The following ACER3 variants were observed in gnomAD, a reference collection of about 807,000 sequenced individuals.
The protein encoded by ACER3 is alkaline ceramidase 3, also known as alkCDase 3.
In ACER3, 16 loss-of-function variants were observed where a neutral mutation model predicts 48.9. That is an observed-to-expected ratio of 0.33 (90% CI 0.22 to 0.50). The LOEUF (loss-of-function observed/expected upper bound fraction) is 0.50. ACER3 is among the 20% of genes least tolerant of loss of function. The pLI is 0.98. For missense variants in ACER3, 227 were observed against 326.0 expected (o/e 0.70, Z 2.34); for synonymous variants, 109 against 107.8 (o/e 1.01, Z -0.07).
rs1057346673 is a variant in ACER3, at chr11:77,021,652, C to T, written c.*1325C>T. 3 of 152,032 alleles carry T rather than the reference C, an allele frequency of 2.0e-5. No individual in the cohort carries two copies. The highest frequency in any genetic ancestry group is 2.9e-5 in the Non-Finnish European group (2 of 68,002). 9.4% of individuals were successfully genotyped at this position (152,032 alleles called of 1,614,324 possible). On this transcript the variant is annotated 3_prime_UTR_variant, in exon 11 of 11. Coordinates refer to ENST00000532485, the MANE Select transcript of ACER3 (RefSeq NM_018367.7). ...CCAGATTGTTTTTACCACATGATGACGTGACTCAGGATTAAATCCTGAGCT... is the reference window on the plus strand; with the variant it reads ...CCAGATTGTTTTTACCACATGATGATGTGACTCAGGATTAAATCCTGAGCT...
At chr11:76,985,769 C>A in intron 5 of ACER3, 45 bp downstream of exon 5, 3 of 1,162,788 alleles carry the variant, frequency 2.6e-6, no homozygotes, top group Non-Finnish European at 3.6e-6. Flanking sequence ...GTAAATTCAC[C>A]ATTTATGGAG....
At chr11:76,893,329 C>G (rs1590891080) in intron 1 of ACER3, among the ~76,000 whole-genome samples, 1 of 152,030 alleles carries the variant, frequency 6.6e-6, no homozygotes, top group Admixed American at 6.6e-5. Flanking sequence ...ATGATCACGC[C>G]ACTCTACTCC....
chr11:76,868,383 CTCTCTCTCTGTG>C lies in ACER3; in HGVS notation c.103+7306_103+7317del, dbSNP rs879113930. The stretch of plus-strand genomic sequence containing the variant: ...AAGAGTTTAGTTTTAATATCTCTCT[CTCTCTCTCTGTG>C]TGTGTGTGTGTGTGTGTGTGTGTGT... On this transcript the variant is annotated intron_variant, in intron 1 of 10. Transcript: ENST00000532485. 26 of 524,814 alleles carry C rather than the reference CTCTCTCTCTGTG, an allele frequency of 5.0e-5. No individual in the cohort carries two copies. In the East Asian group the frequency reaches 9.7e-4, roughly 20 times the overall value. The allele number at this position is 524,814 out of a possible 1,614,324, so 32.5% of individuals were successfully genotyped here. A position where few individuals can be genotyped will look rare whatever the true frequency, so the allele number is the denominator to read the frequency against.
intron 1 of ACER3, among the ~76,000 whole-genome samples, chr11:76,881,646 A>T (rs1039510124): frequency 6.6e-6 from 1 of 152,258 alleles, no homozygotes; most frequent in East Asian, 1.9e-4. Flanking sequence ...TATAGTTATT[A>T]TATGTATTAC....
chr11:76,968,479 A>C (rs768408737), intron 3 of ACER3, among the ~76,000 whole-genome samples: 4 of 152,172 alleles, frequency 2.6e-5, no homozygotes, highest in South Asian at 2.1e-4. Flanking sequence ...GAGCCCGCAT[A>C]GCCAAGTCAA....
chr11:76,975,624 A>G (rs961490237), intron 3 of ACER3, among the ~76,000 whole-genome samples: 1 of 152,098 alleles, frequency 6.6e-6, no homozygotes, highest in Non-Finnish European at 1.5e-5. Flanking sequence ...TAGATGATGG[A>G]CATCATTTTT....
intron 7 of ACER3, among the ~76,000 whole-genome samples, chr11:77,000,432 A>C: frequency 6.6e-6 from 1 of 152,130 alleles, no homozygotes; most frequent in East Asian, 1.9e-4. Flanking sequence ...ATGAGGTCAA[A>C]TTTATCAGTT....
At chr11:76,958,605 A>G (rs1947907336) in intron 2 of ACER3, among the ~76,000 whole-genome samples, 1 of 152,234 alleles carries the variant, frequency 6.6e-6, no homozygotes, top group Non-Finnish European at 1.5e-5. Flanking sequence ...AAGTTCAGGA[A>G]CAAACTGACT....
At position 76,990,135 on chromosome 11, in the gene ACER3, CAAGT is replaced by C. The variant is rs527452323; in HGVS notation, c.403-399_403-396del. On this transcript the variant is annotated intron_variant, in intron 5 of 10. Transcript: ENST00000532485. ...TAAATTACTTATCCAAGGCATGTAG[CAAGT>C]AAGTGGCAGAAGTTGAAATTTACTC... 9.8e-5 allele frequency among the ~76,000 whole-genome samples: 15 copies of C among 152,310 alleles called. No homozygotes were observed. In the South Asian group the frequency reaches 3.1e-3, roughly 32 times the overall value.
rs552001348 is a variant in ACER3 at position 77,026,756 on chromosome 11, T to C, written c.*6429T>C. On this transcript the variant is annotated 3_prime_UTR_variant, in exon 11 of 11. Coordinates refer to ENST00000532485, the MANE Select transcript of ACER3 (RefSeq NM_018367.7). ...ATATTTCTGCATTCATTACCTCTCA[T>C]AGGTGAAAATATTAAATTAAATAAT... 3.3e-5 allele frequency: 5 copies of C among 152,320 alleles called. No homozygotes were observed. The South Asian group carries it at 8.3e-4, about 25-fold the overall frequency. The allele number at this position is 152,320 out of a possible 1,614,324, so 9.4% of individuals were successfully genotyped here. A position where few individuals can be genotyped will look rare whatever the true frequency, so the allele number is the denominator to read the frequency against.
intron 1 of ACER3, among the ~76,000 whole-genome samples, chr11:76,885,050 T>C (rs1382662090): frequency 6.6e-6 from 1 of 152,244 alleles, no homozygotes; most frequent in East Asian, 1.9e-4. Flanking sequence ...ATTATAGGTG[T>C]GAGCCACAAA....
chr11:76,864,809 A>G (rs2134490453), intron 1 of ACER3, among the ~76,000 whole-genome samples: 1 of 146,238 alleles, frequency 6.8e-6, no homozygotes, highest in South Asian at 2.2e-4. Context: ...CATTTTGGCC[A>G]GGCTGGTCTC....
chr11:76,956,022 A>G (rs1229420321), intron 2 of ACER3, among the ~76,000 whole-genome samples: 2 of 152,198 alleles, frequency 1.3e-5, no homozygotes, highest in Non-Finnish European at 2.9e-5. Flanking sequence ...AAGTAGACTA[A>G]TGATTGCCCA....
Position 77,015,010 on chromosome 11 carries a change from C to G in ACER3, c.498-6C>G. 1.3e-6 allele frequency: 2 copies of G among 1,545,238 alleles called. No individual in the cohort carries two copies. Among genetic ancestry groups the G allele is most frequent in the Non-Finnish European group, 1.8e-6 (2 of 1,119,746 alleles). On this transcript the variant is annotated splice_polypyrimidine_tract_variant and splice_region_variant and intron_variant, in intron 7 of 10. Transcript: ENST00000532485. ...TTATTTTGCTTTTCTGTTTTCCCCCCCACAGGGTTTATCCATGGCTTAGAG... is the reference window on the plus strand; with the variant it reads ...TTATTTTGCTTTTCTGTTTTCCCCCGCACAGGGTTTATCCATGGCTTAGAG...
intron 10 of ACER3, among the ~76,000 whole-genome samples, 179 bp from the exon 11 acceptor site, chr11:77,020,093 ACT>A (rs1555024115): frequency 6.6e-6 from 1 of 152,160 alleles, no homozygotes; most frequent in Non-Finnish European, 1.5e-5. Context: ...CAATAAAAAT[ACT>A]CTCTGATATC....
chr11:77,026,627 C>G lies in ACER3; in HGVS notation c.*6300C>G, dbSNP rs1949552928. The G allele has an allele frequency of 6.6e-6, 1 of 152,196 alleles. No homozygotes were observed. The highest frequency in any genetic ancestry group is 1.5e-5 in the Non-Finnish European group (1 of 68,038). The allele number at this position is 152,196 out of a possible 1,614,324, so 9.4% of individuals were successfully genotyped here. The stretch of plus-strand genomic sequence containing the variant: ...GCAACTAACTATTTTCAGGTAATCT[C>G]AGTCTGCTTATTCACTTTTTCCATT... On this transcript the variant is annotated 3_prime_UTR_variant, in exon 11 of 11. Transcript: ENST00000532485.
intron 1 of ACER3, among the ~76,000 whole-genome samples, chr11:76,896,613 A>G (rs1590895516): frequency 6.6e-6 from 1 of 151,888 alleles, no homozygotes; most frequent in South Asian, 2.1e-4. Flanking sequence ...CGACCCCTCT[A>G]CCCCCTTGAA....
chr11:76,881,502 G>A (rs1316664287), intron 1 of ACER3, among the ~76,000 whole-genome samples: 1 of 151,428 alleles, frequency 6.6e-6, no homozygotes, highest in Non-Finnish European at 1.5e-5. Flanking sequence ...TTATTTAGTG[G>A]TTACTCTAGG....
At chr11:76,927,184 T>C (rs999301386) in intron 2 of ACER3, among the ~76,000 whole-genome samples, 18 of 152,230 alleles carry the variant, frequency 1.2e-4, no homozygotes, top group Non-Finnish European at 1.9e-4. Context: ...TTTAAACTTT[T>C]TGGAAAGGAT....
Sources: allele counts gnomAD v4.1 joint callset (sites outside exome capture counted in the v4.1 genomes callset), GRCh38; gene constraint gnomAD v4.1.1; transcripts MANE v1.5; gene names NCBI Gene and HGNC (gene_info 2026-07-23, HGNC 2026-07-21).